ADGRG4: variants seen among roughly 807,000 people sequenced by gnomAD.
The protein encoded by ADGRG4 is adhesion G protein-coupled receptor G4, also known as G protein-coupled receptor 112.
ADGRG4 carries 122 observed loss-of-function variants against 126.2 expected under a neutral mutation model. The ratio of observed to expected loss-of-function variants is 0.97; its 90% confidence interval spans 0.83 to 1.12. The LOEUF is 1.12. ADGRG4 is among the 50% of genes most tolerant of loss of function. ADGRG4 has a pLI of 0.00. For missense variants in ADGRG4, 2,481 were observed against 2,251.8 expected, an observed-to-expected ratio of 1.10 and a Z score of -2.06; for synonymous variants, 943 against 838.7, an observed-to-expected ratio of 1.12 and a Z score of -2.15.
At chrX:136,310,598 T>C (rs778479612) in intron 4 of ADGRG4, among the ~76,000 whole-genome samples, 98 of 111,114 alleles carry the variant, frequency 8.8e-4, no homozygotes, top group Middle Eastern at 4.2e-3. Flanking sequence ...CTCCCAACTG[T>C]GAGGGTCATT....
rs1238761140 is a variant in ADGRG4, at chrX:136,344,542, C to T, written c.836C>T (p.Thr279Ile). The change falls in exon 6 of 26, where the codon ACT (threonine) becomes ATT (isoleucine). Residue 279 changes from threonine to isoleucine, a missense_variant. Physicochemically the swap from Thr to Ile is moderately conservative, Grantham distance 89. Transcript: ENST00000394143. ...TCTCAAAGCATACCTATATTTGCAACTGATTACACAACCATATCATATTCC... is the reference window on the plus strand; with the variant it reads ...TCTCAAAGCATACCTATATTTGCAATTGATTACACAACCATATCATATTCC... ...LLSQSIPIFA[T>I]DYTTISYSNT... 4 of 1,205,981 alleles carry T rather than the reference C, an allele frequency of 3.3e-6. No homozygotes were observed. The highest frequency in any genetic ancestry group is 3.4e-6 in the Non-Finnish European group (3 of 890,473).
At chrX:136,334,673 T>C (rs1157244385) in intron 5 of ADGRG4, among the ~76,000 whole-genome samples, 1 of 112,411 alleles carries the variant, frequency 8.9e-6, no homozygotes, top group Admixed American at 9.4e-5. Flanking sequence ...ACCTAAGTAT[T>C]TCATTTTCAT....
rs752817050 is a variant in ADGRG4, at chrX:136,348,108, C to A, written c.4402C>A (p.Leu1468Ile). Reference sequence around the variant, plus strand: ...ACAGACTTTCCCTGAGTCCTTGTCTCTTTCCACAGCTGGACTATATAATGA... The same window carrying A: ...ACAGACTTTCCCTGAGTCCTTGTCTATTTCCACAGCTGGACTATATAATGA... The part of the protein sequence containing the change: ...STQTFPESLS[L>I]STAGLYNDGF... The change falls in exon 6 of 26, where the codon CTT (leucine) becomes ATT (isoleucine). Residue 1468 changes from leucine (L) to isoleucine (I), a missense_variant. Coordinates refer to ENST00000394143, the MANE Select transcript of ADGRG4 (RefSeq NM_153834.4). 4 of 1,210,497 alleles carry A rather than the reference C, an allele frequency of 3.3e-6. No individual in the cohort carries two copies. Among genetic ancestry groups the A allele is most frequent in the Non-Finnish European group, 4.5e-6 (4 of 894,423 alleles).
At chrX:136,326,596 G>A (rs754548166) in intron 5 of ADGRG4, among the ~76,000 whole-genome samples, 1 of 111,222 alleles carries the variant, frequency 9.0e-6, no homozygotes, top group South Asian at 3.8e-4. Flanking sequence ...TGGCTGGTTT[G>A]ATAATTCACC....
intron 16 of ADGRG4, among the ~76,000 whole-genome samples, chrX:136,389,667 G>A (rs952631518): frequency 3.6e-5 from 4 of 112,105 alleles, no homozygotes; most frequent in African/African-American, 1.3e-4. Context: ...GGAATCTGCT[G>A]AAGGTGTCAC....
Position 136,349,054 on chromosome X carries a change from A to G in ADGRG4, c.5348A>G (p.Asn1783Ser). 2 of 1,206,581 alleles carry G rather than the reference A, an allele frequency of 1.7e-6. No individual in the cohort carries two copies. Among genetic ancestry groups the G allele is most frequent in the South Asian group, 1.8e-5 (1 of 56,236 alleles). The change falls in exon 6 of 26, where the codon AAT (asparagine) becomes AGT (serine). Residue 1783 changes from asparagine to serine, a missense_variant. Coordinates refer to ENST00000394143, the MANE Select transcript of ADGRG4 (RefSeq NM_153834.4). Reference protein sequence around the residue: ...SFKSASGPTKNVKTTTNCFSS... With the variant: ...SFKSASGPTKSVKTTTNCFSS... The stretch of plus-strand genomic sequence containing the variant: ...AAGAGTGCTTCTGGACCCACAAAAA[A>G]TGTTAAAACAACCACCAATTGCTTT...
intron 24 of ADGRG4, among the ~76,000 whole-genome samples, chrX:136,413,404 CA>C (rs1217121471): frequency 9.0e-6 from 1 of 110,688 alleles, no homozygotes; most frequent in Non-Finnish European, 1.9e-5. Context: ...CATGTCCCTA[CA>C]AAGGACATGA....
rs886922552 is a variant in ADGRG4 at position 136,405,507 on chromosome X, G to T, written c.8655-185G>T. Among the ~76,000 whole-genome samples, 11 of 111,588 alleles carry T rather than the reference G, an allele frequency of 9.9e-5. No homozygotes were observed. The South Asian group carries it at 1.5e-3, about 16-fold the overall frequency. On this transcript the variant is annotated intron_variant, in intron 22 of 25. Coordinates refer to ENST00000394143, the MANE Select transcript of ADGRG4 (RefSeq NM_153834.4). ...AGTGTTGGAAAGAACCCTGAACTGG[G>T]GCTCAGGAGATTGAGGTTTTTGTCC...
intron 19 of ADGRG4, among the ~76,000 whole-genome samples, chrX:136,395,986 T>A (rs189992133): frequency 9.0e-6 from 1 of 111,651 alleles, no homozygotes; most frequent in African/African-American, 3.3e-5. Flanking sequence ...ATTTAACTAA[T>A]CCCTGACTAG....
rs1339598968 is a variant in ADGRG4, at chrX:136,327,621, AATTT to A, written c.685+4235_685+4238del. Reference sequence around the variant, plus strand: ...ATGCAACATAATTTACATGTAACATAATTTATTTAACTAGCCCATCATTGATGGC... The same window carrying A: ...ATGCAACATAATTTACATGTAACATAATTTAACTAGCCCATCATTGATGGC... On this transcript the variant is annotated intron_variant, in intron 5 of 25. Transcript: ENST00000394143. 2.7e-5 allele frequency among the ~76,000 whole-genome samples: 3 copies of A among 110,215 alleles called. No homozygotes were observed. The Admixed American group carries it at 2.9e-4, about 11-fold the overall frequency.
At chrX:136,390,315 G>A (rs2075313216) in intron 16 of ADGRG4, among the ~76,000 whole-genome samples, 1 of 111,600 alleles carries the variant, frequency 9.0e-6, no homozygotes, top group South Asian at 3.8e-4. Context: ...GCCTCCCAAA[G>A]CGTTAGGTTT....
intron 23 of ADGRG4, 87 bp downstream of exon 23, chrX:136,406,059 A>G (rs751861900): frequency 2.2e-6 from 2 of 918,514 alleles, no homozygotes; most frequent in South Asian, 5.5e-5. Context: ...CCTGTTGGAA[A>G]CATTAACTAG....
intron 11 of ADGRG4, among the ~76,000 whole-genome samples, chrX:136,360,039 C>A (rs1041067624): frequency 3.4e-4 from 38 of 111,581 alleles, no homozygotes; most frequent in Middle Eastern, 4.2e-3. Context: ...GGCATTAGAA[C>A]GCACAATCCT....
chrX:136,382,907 C>T (rs1428362622), intron 15 of ADGRG4, among the ~76,000 whole-genome samples: 1 of 110,531 alleles, frequency 9.0e-6, no homozygotes, highest in Non-Finnish European at 1.9e-5. Flanking sequence ...ACCTCTAGGC[C>T]AGCAGAATGT....
At chrX:136,328,062 T>C (rs1197807955) in intron 5 of ADGRG4, among the ~76,000 whole-genome samples, 1 of 111,695 alleles carries the variant, frequency 9.0e-6, no homozygotes. Context: ...ATTTTTTTTC[T>C]TTTTCACAGT....
intron 9 of ADGRG4, among the ~76,000 whole-genome samples, chrX:136,357,397 C>A (rs1235295955): frequency 8.9e-6 from 1 of 111,794 alleles, no homozygotes; most frequent in Non-Finnish European, 1.9e-5. Flanking sequence ...ATATCTAGAT[C>A]CAGAAGGCTT....
At chrX:136,381,873 G>A (rs1420492898) in intron 15 of ADGRG4, among the ~76,000 whole-genome samples, 6 of 111,390 alleles carry the variant, frequency 5.4e-5, no homozygotes, top group Non-Finnish European at 1.9e-5. Flanking sequence ...ACAGGAGAAA[G>A]ATGCAGGCTG....
chrX:136,330,852 G>C (rs774260359), intron 5 of ADGRG4, among the ~76,000 whole-genome samples: 1 of 111,217 alleles, frequency 9.0e-6, no homozygotes, highest in Non-Finnish European at 1.9e-5. Context: ...TACTCATTTA[G>C]TTATTTTTAA....
intron 15 of ADGRG4, among the ~76,000 whole-genome samples, chrX:136,385,100 T>C (rs2075286138): frequency 9.0e-6 from 1 of 111,639 alleles, no homozygotes; most frequent in Non-Finnish European, 1.9e-5. Flanking sequence ...CTGAGACTGT[T>C]CATGTTTTTA....
Sources: allele counts gnomAD v4.1 joint callset (sites outside exome capture counted in the v4.1 genomes callset), GRCh38; gene constraint gnomAD v4.1.1; transcripts MANE v1.5; gene names NCBI Gene and HGNC (gene_info 2026-07-23, HGNC 2026-07-21).